Variants in MOCOS observed in about 807,000 individuals in gnomAD.
MOCOS encodes the protein human molybdenum cofactor sulfurase.
Under a neutral mutation model 83.6 loss-of-function variants are expected in MOCOS, and 86 were observed. The ratio of observed to expected loss-of-function variants is 1.03; its 90% CI spans 0.86 to 1.23. The LOEUF (loss-of-function observed/expected upper bound fraction) is 1.23, where lower values mean the gene tolerates loss of function less well. Ranked by LOEUF, MOCOS falls within the 50% of genes most tolerant of loss-of-function variation. The probability of loss-of-function intolerance (pLI) is 0.00; values close to 1 mark genes in which losing one functional copy is unlikely to be tolerated. For synonymous variants in MOCOS, 445 were observed against 434.7 expected (o/e 1.02, Z -0.29); for missense variants, 1,120 against 1,126.9 (o/e 0.99, Z 0.09).
chr18:36,192,554 C>G (rs1194116404), intron 1 of MOCOS, among the ~76,000 whole-genome samples: 1 of 152,140 alleles, frequency 6.6e-6, no homozygotes, highest in African/African-American at 2.4e-5. Flanking sequence ...CAATGAAATG[C>G]CTATCAAAAT....
At chr18:36,234,314 T>G (rs907962839) in intron 9 of MOCOS, among the ~76,000 whole-genome samples, 2 of 152,176 alleles carry the variant, frequency 1.3e-5, no homozygotes, top group African/African-American at 4.8e-5. Flanking sequence ...TGTTTTTGTT[T>G]GCTTTGTCGA....
At chr18:36,202,830 A>AG (rs2091419935) in intron 4 of MOCOS, among the ~76,000 whole-genome samples, 1 of 152,186 alleles carries the variant, frequency 6.6e-6, no homozygotes, top group Non-Finnish European at 1.5e-5. Flanking sequence ...AGAAGAGCCC[A>AG]GGGGAACTGC....
At chr18:36,244,735 T>C (rs1790862547) in intron 9 of MOCOS, among the ~76,000 whole-genome samples, 3 of 152,120 alleles carry the variant, frequency 2.0e-5, no homozygotes, top group Admixed American at 2.0e-4. Flanking sequence ...CTCCCACTAT[T>C]ATTGTGTTGT....
At chr18:36,223,751 T>G (rs1009159880) in intron 9 of MOCOS, among the ~76,000 whole-genome samples, 1 of 152,234 alleles carries the variant, frequency 6.6e-6, no homozygotes, top group African/African-American at 2.4e-5. Flanking sequence ...ATTTGTTTAA[T>G]TTCTTGTTTG....
rs1281390160 is a variant in MOCOS at position 36,215,840 on chromosome 18, GC to G, written c.1664del (p.Pro555HisfsTer46). The G allele has an allele frequency of 6.2e-7, 1 of 1,614,214 alleles. No individual in the cohort carries two copies. Among genetic ancestry groups the G allele is most frequent in the Non-Finnish European group, 8.5e-7 (1 of 1,180,044 alleles). ...GTCTACTGTGAATGCTGTGCCTGTG[GC>G]CCCACCTGTGTGTGATGTCGCCAGA... ...NSSTVNAVPV[A>X]PPVCDVARTQ... On this transcript the variant is annotated frameshift_variant, in exon 8 of 15. Coordinates refer to ENST00000261326, the MANE Select transcript of MOCOS (RefSeq NM_017947.4). LOFTEE classifies it high-confidence loss of function.
At chr18:36,210,079 T>C (rs1362523468) in intron 6 of MOCOS, among the ~76,000 whole-genome samples, 1 of 152,234 alleles carries the variant, frequency 6.6e-6, no homozygotes, top group African/African-American at 2.4e-5. Context: ...ATGTTCATCA[T>C]AGGTATTGGC....
intron 9 of MOCOS, among the ~76,000 whole-genome samples, chr18:36,248,378 C>G (rs573211037): frequency 1.4e-4 from 22 of 152,132 alleles, no homozygotes; most frequent in African/African-American, 4.6e-4. Context: ...CAAACATTTC[C>G]TCTCATTCTG....
intron 9 of MOCOS, among the ~76,000 whole-genome samples, chr18:36,242,835 A>G (rs539214813): frequency 6.6e-5 from 10 of 152,220 alleles, no homozygotes; most frequent in South Asian, 4.2e-4. Context: ...TGATCCAATC[A>G]CCTTCCTCCC....
chr18:36,215,809 C>T lies in MOCOS; in HGVS notation c.1629C>T (p.Asn543=). 1 of 1,614,232 alleles carries T rather than the reference C, an allele frequency of 6.2e-7. No individual in the cohort carries two copies. The highest frequency in any genetic ancestry group is 8.5e-7 in the Non-Finnish European group (1 of 1,180,040). Residue 543 remains asparagine, a synonymous_variant, in exon 8 of 15, where the codon AAC becomes AAT. Transcript: ENST00000261326. ...CCCTCACAGGCTCCAGGGTTTGGAA[C>T]AACTCGTCTACTGTGAATGCTGTGC... The part of the protein sequence containing the change: ...EDALTGSRVW[N]NSSTVNAVPV...
intron 9 of MOCOS, among the ~76,000 whole-genome samples, chr18:36,233,413 A>G (rs924300817): frequency 6.6e-6 from 1 of 152,150 alleles, no homozygotes; most frequent in Admixed American, 6.5e-5. Flanking sequence ...TACCCACATC[A>G]TATTTTCTTT....
chr18:36,243,269 TTC>T lies in MOCOS; in HGVS notation c.1961-5649_1961-5648del, dbSNP rs1183283952. ...ACCGATTTGGATGCCCTTTATTTCT[TTC>T]TCTTGTCTGATTGCTCTGGCTACAA... On this transcript the variant is annotated intron_variant, in intron 9 of 14. Coordinates refer to ENST00000261326, the MANE Select transcript of MOCOS (RefSeq NM_017947.4). 6.6e-5 allele frequency among the ~76,000 whole-genome samples: 10 copies of T among 152,280 alleles called. No homozygotes were observed. The East Asian group carries it at 1.7e-3, about 26-fold the overall frequency.
intron 14 of MOCOS, 106 bp downstream of exon 14, chr18:36,266,959 G>C (rs919303571): frequency 2.1e-6 from 2 of 947,190 alleles, no homozygotes; most frequent in Non-Finnish European, 3.3e-6. Flanking sequence ...TGGGGGATTT[G>C]CTGCCCATCC....
intron 1 of MOCOS, among the ~76,000 whole-genome samples, chr18:36,194,336 TAAGTG>T (rs1439493521): frequency 6.6e-6 from 1 of 152,256 alleles, no homozygotes; most frequent in Non-Finnish European, 1.5e-5. Flanking sequence ...AAATATTTGA[TAAGTG>T]AATGAATGGA....
At chr18:36,202,828 C>A (rs753563869) in intron 4 of MOCOS, among the ~76,000 whole-genome samples, 1 of 152,036 alleles carries the variant, frequency 6.6e-6, no homozygotes, top group Non-Finnish European at 1.5e-5. Flanking sequence ...AGAGAAGAGC[C>A]CAGGGGAACT....
At chr18:36,244,694 C>T (rs1239473896) in intron 9 of MOCOS, among the ~76,000 whole-genome samples, 2 of 152,034 alleles carry the variant, frequency 1.3e-5, no homozygotes, top group African/African-American at 2.4e-5. Flanking sequence ...TCTTGATGAC[C>T]TGTCTAATGC....
At chr18:36,210,253 A>G (rs1487332560) in intron 6 of MOCOS, among the ~76,000 whole-genome samples, 1 of 152,172 alleles carries the variant, frequency 6.6e-6, no homozygotes, top group Admixed American at 6.5e-5. Context: ...CTGAGTAGCC[A>G]TAAACTTTCT....
intron 2 of MOCOS, among the ~76,000 whole-genome samples, chr18:36,198,283 G>A (rs1395868893): frequency 6.6e-6 from 1 of 152,108 alleles, no homozygotes; most frequent in Non-Finnish European, 1.5e-5. Flanking sequence ...GTCACAGTTA[G>A]GAGGCTGAGA....
chr18:36,220,096 C>A lies in MOCOS; in HGVS notation c.1839C>A (p.Asp613Glu). ...TAGGAAACCAAGGGCTGCTATATGA[C>A]CGGAGCTGGATGGTTGTGAATCACA... ...WPVGNQGLLY[D>E]RSWMVVNHNG... Residue 613 changes from aspartate to glutamate, a missense_variant, in exon 9 of 15, where the codon GAC becomes GAA. Transcript: ENST00000261326. The A allele has an allele frequency of 6.2e-7, 1 of 1,613,762 alleles. No individual in the cohort carries two copies. The highest frequency in any genetic ancestry group is 8.5e-7 in the Non-Finnish European group (1 of 1,180,014).
intron 13 of MOCOS, 65 bp downstream of exon 13, chr18:36,260,240 A>G (rs1260401756): frequency 6.2e-7 from 1 of 1,603,884 alleles, no homozygotes; most frequent in Non-Finnish European, 8.5e-7. Context: ...CCTCAATCCC[A>G]GACCTGGATA....
Sources: gnomAD v4.1 joint callset for allele counts (sites outside exome capture counted in the v4.1 genomes callset) on GRCh38, gnomAD v4.1.1 for gene constraint, MANE v1.5 for transcripts, NCBI Gene and HGNC (gene_info 2026-07-23, HGNC 2026-07-21) for gene names.